ODAD3: variants seen among roughly 807,000 people sequenced by gnomAD.
ODAD3 encodes outer dynein arm docking complex subunit 3, also known as outer dynein arm-docking complex subunit 3.
Under a neutral mutation model 70.9 loss-of-function variants are expected in ODAD3, and 57 were observed. That is an observed-to-expected ratio of 0.80 (90% CI 0.65 to 1.00). The LOEUF is 1.00. ODAD3 is among the 50% of genes least tolerant of loss of function. The probability of loss-of-function intolerance (pLI) is 0.00; values close to 1 mark genes in which losing one functional copy is unlikely to be tolerated. For missense variants in ODAD3, 797 were observed against 763.9 expected (o/e 1.04, Z -0.51); for synonymous variants, 327 against 315.9 (o/e 1.04, Z -0.37).
At position 11,434,804 on chromosome 19, in the gene ODAD3, C is replaced by T. The variant is rs1282162699; in HGVS notation, c.213G>A (p.Val71=). Residue 71 remains valine (V), a synonymous_variant, in exon 1 of 13, where the codon GTG becomes GTA. Transcript: ENST00000356392. ...GAGKPSVHSQ[V]AELHKKIQLL... ...GTTGTATCTTTTTATGTAACTCAGC[C>T]ACCTGAGAGTGCACAGAGGGCTTCC... The T allele has an allele frequency of 6.2e-7, 1 of 1,613,556 alleles. No individual in the cohort carries two copies. Among genetic ancestry groups the T allele is most frequent in the East Asian group, 2.2e-5 (1 of 44,882 alleles).
At chr19:11,427,480 TTTC>T (rs1163117466) in intron 3 of ODAD3, among the ~76,000 whole-genome samples, 1 of 73,062 alleles carries the variant, frequency 1.4e-5, no homozygotes, top group Admixed American at 2.3e-4. Flanking sequence ...TTTGTTTTCT[TTTC>T]TTTTTTTTTT....
Position 11,426,875 on chromosome 19 carries a change from T to C in ODAD3, c.610A>G (p.Lys204Glu), listed in dbSNP as rs1320953287. ...EAQNRHTEVAKTMRNLENRLE... is the reference protein window; with the variant it reads ...EAQNRHTEVAETMRNLENRLE... ...CTGCAGGCCTCACCCGCCCCTACCT[T>C]GGCCACCTCCGTGTGTCTGTTTTGC... Residue 204 changes from lysine to glutamate, a missense_variant and splice_region_variant, in exon 4 of 13, where the codon AAG (lysine) becomes GAG (glutamate). Coordinates refer to ENST00000356392, the MANE Select transcript of ODAD3 (RefSeq NM_145045.5). The C allele has an allele frequency of 1.2e-6, 2 of 1,609,644 alleles. No homozygotes were observed. The highest frequency in any genetic ancestry group is 2.7e-5 in the African/African-American group (2 of 74,858).
chr19:11,427,473 G>C (rs956684667), intron 3 of ODAD3, among the ~76,000 whole-genome samples: 5 of 107,252 alleles, frequency 4.7e-5, no homozygotes, highest in African/African-American at 1.4e-4. Context: ...TTTTGTTTTT[G>C]TTTTCTTTTC....
rs1052273687 is a variant in ODAD3, at chr19:11,425,898, G to A, written c.963+246C>T. On this transcript the variant is annotated intron_variant, in intron 7 of 12. Coordinates refer to ENST00000356392, the MANE Select transcript of ODAD3 (RefSeq NM_145045.5). ...AAAGGATGGGTAGGGGGGTCACTGA[G>A]TAAGGGGAAGGCTGGAGGCCATGTC... Among the ~76,000 whole-genome samples, 6 of 150,832 alleles carry A rather than the reference G, an allele frequency of 4.0e-5. No homozygotes were observed. In the South Asian group the frequency reaches 1.3e-3, roughly 32 times the overall value.
At chr19:11,425,587 G>C (rs1218645910) in intron 7 of ODAD3, among the ~76,000 whole-genome samples, 4 of 125,492 alleles carry the variant, frequency 3.2e-5, no homozygotes, top group Non-Finnish European at 6.1e-5. Context: ...ATATATGTAT[G>C]TATATGTGTA....
rs543520427 is a variant in ODAD3 at position 11,425,412 on chromosome 19, T to C, written c.963+732A>G. Reference sequence around the variant, plus strand: ...ACATATGTGTATATGTATATATACATATATGTGTATATACACATATGTGTA... The same window carrying C: ...ACATATGTGTATATGTATATATACACATATGTGTATATACACATATGTGTA... On this transcript the variant is annotated intron_variant, in intron 7 of 12. Transcript: ENST00000356392. 1.0e-4 allele frequency among the ~76,000 whole-genome samples: 15 copies of C among 143,054 alleles called. 1 individual carries two copies. The South Asian group carries it at 1.1e-3, about 10-fold the overall frequency. The allele number at this position is 143,054 out of a possible 152,430, so 93.8% of individuals were successfully genotyped here. A position where few individuals can be genotyped will look rare whatever the true frequency, so the allele number is the denominator to read the frequency against.
intron 3 of ODAD3, 24 bp downstream of exon 3, chr19:11,430,675 G>T: frequency 4.3e-6 from 7 of 1,613,170 alleles, no homozygotes; most frequent in Non-Finnish European, 5.9e-6. Flanking sequence ...AATGAAGGAG[G>T]AGGTGGGGCG....
intron 3 of ODAD3, 71 bp from the exon 4 acceptor site, chr19:11,427,111 C>T (rs1969397721): frequency 7.0e-7 from 1 of 1,435,612 alleles, no homozygotes; most frequent in Non-Finnish European, 9.2e-7. Flanking sequence ...CCCTTCCTCC[C>T]TTCCTTCTCC....
intron 3 of ODAD3, 45 bp from the exon 4 acceptor site, chr19:11,427,085 C>A (rs200653576): frequency 1.5e-5 from 23 of 1,504,238 alleles, no homozygotes; most frequent in African/African-American, 5.5e-5. Context: ...AACACCCTAC[C>A]CCGACACACA....
chr19:11,424,255 G>A (rs1599454917), intron 7 of ODAD3, among the ~76,000 whole-genome samples: 1 of 152,168 alleles, frequency 6.6e-6, no homozygotes, highest in East Asian at 1.9e-4. Context: ...TTTAATTCCA[G>A]TACTTTAGGA....
chr19:11,424,548 T>C (rs1464221687), intron 7 of ODAD3, among the ~76,000 whole-genome samples: 1 of 129,728 alleles, frequency 7.7e-6, no homozygotes, highest in Non-Finnish European at 1.7e-5. Context: ...TGTGTATATA[T>C]ACCTATGTGT....
intron 7 of ODAD3, among the ~76,000 whole-genome samples, chr19:11,425,373 A>G (rs1467822676): frequency 6.0e-5 from 8 of 133,364 alleles, no homozygotes; most frequent in Non-Finnish European, 1.1e-4. Flanking sequence ...ATATGTGTAT[A>G]TATGTGTGTA....
In ODAD3 at chr19:11,424,515, ATATATATG is replaced by A. The variant is rs112741413; in HGVS notation, c.964-494_964-487del. On this transcript the variant is annotated intron_variant, in intron 7 of 12. Transcript: ENST00000356392. ...AATCCATATATATATGTATATATGTATATATATGTATATATGTATATATGTGTATATAT... is the reference window on the plus strand; with the variant it reads ...AATCCATATATATATGTATATATGTATATATATGTATATATGTGTATATAT... Among the ~76,000 whole-genome samples the A allele has an allele frequency of 2.1e-3, 293 of 139,970 alleles. 2 individuals carry two copies. Among genetic ancestry groups the A allele is most frequent in the African/African-American group, 7.3e-3 (244 of 33,534 alleles). The allele number at this position is 139,970 out of a possible 152,430, so 91.8% of individuals were successfully genotyped here.
rs534157013 is a variant in ODAD3, at chr19:11,434,755, C to G, written c.244+18G>C. The G allele has an allele frequency of 3.8e-6, 6 of 1,599,906 alleles. No homozygotes were observed. In the South Asian group the frequency reaches 6.7e-5, roughly 18 times the overall value. ...ACTGTTGACCCCTGACCCTCTGTAC[C>G]CTCTGGAGCCATCTTACCTAACAGT... On this transcript the variant is annotated intron_variant, in intron 1 of 12. Transcript: ENST00000356392.
chr19:11,421,930 A>G (rs1969145560), intron 10 of ODAD3, 98 bp from the exon 11 acceptor site: 1 of 1,385,206 alleles, frequency 7.2e-7, no homozygotes, highest in Non-Finnish European at 9.7e-7. Flanking sequence ...GGGGCCTAGG[A>G]GGTAAGGGCC....
Position 11,426,562 on chromosome 19 carries a change from G to A in ODAD3, c.724C>T (p.Leu242Phe). ...QLKAYLMDES[L>F]NLENRLDSME... ...GAGTCCAGCCGGTTCTCCAAGTTGA[G>A]GCTCTCGTCCTGGGGCGTGGTGGGG... Residue 242 changes from leucine (L) to phenylalanine (F), a missense_variant, in exon 6 of 13, where the codon CTC becomes TTC. Leu to Phe is a conservative substitution (Grantham distance 22, BLOSUM62 0). Transcript: ENST00000356392. 2 of 1,614,056 alleles carry A rather than the reference G, an allele frequency of 1.2e-6. No homozygotes were observed.
In ODAD3 at chr19:11,421,729, T is replaced by A. The variant is rs1458410632; in HGVS notation, c.1538A>T (p.Gln513Leu). The change falls in exon 11 of 13, where the codon CAG (glutamine) becomes CTG (leucine). Residue 513 changes from glutamine (Q) to leucine (L), a missense_variant. Coordinates refer to ENST00000356392, the MANE Select transcript of ODAD3 (RefSeq NM_145045.5). ...CTCCTGCACGTCGTGGCCCTGGAGCTGCGCCTGCAGTTTCAGCAGCTTTTC... is the reference window on the plus strand; with the variant it reads ...CTCCTGCACGTCGTGGCCCTGGAGCAGCGCCTGCAGTTTCAGCAGCTTTTC... ...VEEKLLKLQA[Q>L]LQGHDVQEML... is the part of the protein sequence containing the mutation. 2 of 1,613,282 alleles carry A rather than the reference T, an allele frequency of 1.2e-6. No individual in the cohort carries two copies. Among genetic ancestry groups the A allele is most frequent in the Non-Finnish European group, 1.7e-6 (2 of 1,179,996 alleles).
chr19:11,430,406 G>A (rs1039817695), intron 3 of ODAD3, among the ~76,000 whole-genome samples: 8 of 151,176 alleles, frequency 5.3e-5, no homozygotes, highest in Admixed American at 4.6e-4. Context: ...CCAAAGTGCT[G>A]TGATTACAGA....
At chr19:11,429,417 GTATT>G (rs1568353161) in intron 3 of ODAD3, among the ~76,000 whole-genome samples, 1 of 151,362 alleles carries the variant, frequency 6.6e-6, no homozygotes. Flanking sequence ...TTTTATTTAT[GTATT>G]TATTTTTGAG....
Sources: gnomAD v4.1 joint callset for allele counts (sites outside exome capture counted in the v4.1 genomes callset) on GRCh38, gnomAD v4.1.1 for gene constraint, MANE v1.5 for transcripts, NCBI Gene and HGNC (gene_info 2026-07-23, HGNC 2026-07-21) for gene names.